Variants in CCDC91 observed in about 807,000 individuals in gnomAD.
CCDC91 encodes the protein coiled-coil domain containing 91, also known as coiled-coil domain-containing protein 91.
In CCDC91, 48 loss-of-function variants were observed where a neutral mutation model predicts 63.2. That is an observed-to-expected ratio of 0.76 (90% CI 0.60 to 0.97). The LOEUF is 0.97. Among genes scored for constraint, CCDC91 ranks in the 50% least tolerant of loss-of-function variants. The pLI, the probability that CCDC91 is intolerant of heterozygous loss-of-function variation, is 0.00. For missense variants in CCDC91, 500 were observed against 494.6 expected (o/e 1.01, Z -0.10); for synonymous variants, 167 against 165.8 (o/e 1.01, Z -0.06).
chr12:28,474,277 G>A (rs1950969463), intron 11 of CCDC91, among the ~76,000 whole-genome samples: 1 of 150,894 alleles, frequency 6.6e-6, no homozygotes, highest in South Asian at 2.2e-4. Context: ...TGATAATAAT[G>A]TTACATTATG....
chr12:28,243,455 A>G (rs967493042), intron 1 of CCDC91, among the ~76,000 whole-genome samples: 1 of 152,214 alleles, frequency 6.6e-6, no homozygotes, highest in African/African-American at 2.4e-5. Context: ...TTCACCAAAA[A>G]TATATAACAT....
intron 1 of CCDC91, among the ~76,000 whole-genome samples, chr12:28,216,200 G>A (rs1841249682): frequency 6.6e-6 from 1 of 151,998 alleles, no homozygotes. Flanking sequence ...TGATTGTGTA[G>A]CAATGCTGAG....
At chr12:28,193,683 T>G (rs1941478070) in intron 1 of CCDC91, among the ~76,000 whole-genome samples, 2 of 152,234 alleles carry the variant, frequency 1.3e-5, no homozygotes, top group South Asian at 4.1e-4. Context: ...CAAGTGATGT[T>G]TGATGTTCCA....
At chr12:28,234,107 C>A (rs181745285) in intron 1 of CCDC91, among the ~76,000 whole-genome samples, 1 of 152,066 alleles carries the variant, frequency 6.6e-6, no homozygotes, top group East Asian at 1.9e-4. Context: ...AATATTAGCT[C>A]CTTTATCCAT....
intron 12 of CCDC91, among the ~76,000 whole-genome samples, chr12:28,490,741 C>T (rs894494855): frequency 6.6e-6 from 1 of 151,826 alleles, no homozygotes; most frequent in African/African-American, 2.4e-5. Context: ...AACTCTTTGA[C>T]AGTTTATTTC....
At chr12:28,434,964 G>A (rs1948827541) in intron 8 of CCDC91, among the ~76,000 whole-genome samples, 1 of 151,406 alleles carries the variant, frequency 6.6e-6, no homozygotes, top group Non-Finnish European at 1.5e-5. Flanking sequence ...ATTTCCCTGG[G>A]ATATGCAATG....
chr12:28,266,311 GCTAA>G (rs1947182728), intron 3 of CCDC91, among the ~76,000 whole-genome samples: 2 of 151,970 alleles, frequency 1.3e-5, no homozygotes, highest in Admixed American at 1.3e-4. Flanking sequence ...TTTGCCTTCA[GCTAA>G]CTATGTAACT....
At chr12:28,394,477 C>CA (rs554990076) in intron 8 of CCDC91, among the ~76,000 whole-genome samples, 5,184 of 142,976 alleles carry the variant, frequency 0.036, 109 homozygotes, top group African/African-American at 0.063. Flanking sequence ...AACAAACAAA[C>CA]AAAAAAAAAA....
At chr12:28,289,559 C>A (rs573914512) in intron 3 of CCDC91, among the ~76,000 whole-genome samples, 5 of 151,890 alleles carry the variant, frequency 3.3e-5, no homozygotes, top group African/African-American at 1.2e-4. Context: ...GTTACGATTT[C>A]AGTTCTTTTG....
At chr12:28,382,393 A>G (rs542867615) in intron 7 of CCDC91, among the ~76,000 whole-genome samples, 5 of 151,998 alleles carry the variant, frequency 3.3e-5, no homozygotes, top group Non-Finnish European at 7.4e-5. Flanking sequence ...TGAATTTCCT[A>G]TGTCATAAAA....
chr12:28,528,587 G>T (rs576976417), intron 12 of CCDC91, among the ~76,000 whole-genome samples: 2 of 152,202 alleles, frequency 1.3e-5, no homozygotes, highest in South Asian at 4.2e-4. Context: ...AGTTCATGAT[G>T]CAAGCCTCCA....
intron 1 of CCDC91, among the ~76,000 whole-genome samples, chr12:28,199,566 T>C (rs997475413): frequency 1.3e-5 from 2 of 152,228 alleles, no homozygotes; most frequent in African/African-American, 4.8e-5. Context: ...TAGATTCAAG[T>C]ATACTGTCTC....
chr12:28,241,031 C>T (rs1945297848), intron 1 of CCDC91, among the ~76,000 whole-genome samples: 1 of 152,190 alleles, frequency 6.6e-6, no homozygotes, highest in South Asian at 2.1e-4. Context: ...GAGCCACTTT[C>T]TCCACATCCT....
intron 11 of CCDC91, among the ~76,000 whole-genome samples, chr12:28,476,873 A>G (rs1384050383): frequency 1.3e-5 from 2 of 152,230 alleles, no homozygotes; most frequent in Non-Finnish European, 2.9e-5. Context: ...AATCTAGAAG[A>G]AATGGATAAA....
intron 6 of CCDC91, among the ~76,000 whole-genome samples, chr12:28,329,629 T>A (rs1451299231): frequency 3.3e-5 from 5 of 152,154 alleles, no homozygotes; most frequent in African/African-American, 9.7e-5. Context: ...TTATTTTTTT[T>A]ATTATACTTT....
intron 12 of CCDC91, among the ~76,000 whole-genome samples, chr12:28,501,746 C>CT (rs754332367): frequency 4.6e-5 from 7 of 151,800 alleles, no homozygotes; most frequent in East Asian, 1.9e-4. Context: ...AGGATTCCCT[C>CT]TTTTCTATTG....
intron 8 of CCDC91, among the ~76,000 whole-genome samples, chr12:28,428,588 A>C (rs1948460747): frequency 1.3e-5 from 2 of 150,868 alleles, no homozygotes; most frequent in South Asian, 4.2e-4. Flanking sequence ...AAAAAAAAAA[A>C]AAAAAAAAAA....
At chr12:28,289,685 C>CTTTTTTTTTTTTT (rs75555723) in intron 3 of CCDC91, among the ~76,000 whole-genome samples, 1 of 98,536 alleles carries the variant, frequency 1.0e-5, no homozygotes, top group Non-Finnish European at 1.8e-5. Context: ...CTTTTCTTTT[C>CTTTTTTTTTTTTT]TTTTTTTTTT....
intron 11 of CCDC91, among the ~76,000 whole-genome samples, chr12:28,459,704 A>G (rs1285762407): frequency 3.3e-5 from 5 of 152,190 alleles, no homozygotes; most frequent in Non-Finnish European, 5.9e-5. Context: ...CGACTAGTAT[A>G]TATTTGCTCT....
Sources: gnomAD v4.1 joint callset for allele counts (sites outside exome capture counted in the v4.1 genomes callset) on GRCh38, gnomAD v4.1.1 for gene constraint, MANE v1.5 for transcripts, NCBI Gene and HGNC (gene_info 2026-07-23, HGNC 2026-07-21) for gene names.